Variants in GSE1 observed in about 807,000 individuals in gnomAD.
GSE1 encodes Gse1 coiled-coil protein, also known as genetic suppressor element 1.
Under a neutral mutation model 112.6 loss-of-function variants are expected in GSE1, and 32 were observed. The ratio of observed to expected loss-of-function variants is 0.28; its 90% CI spans 0.21 to 0.38. The LOEUF (loss-of-function observed/expected upper bound fraction) is 0.38. GSE1 is among the 10% of genes least tolerant of loss of function. The pLI is 1.00. For missense variants in GSE1, 2,348 were observed against 1,699.2 expected (o/e 1.38, Z -6.71); for synonymous variants, 1,115 against 735.6 (o/e 1.52, Z -8.35).
At chr16:85,235,582 G>T (rs1487520753) in intron 1 of GSE1, among the ~76,000 whole-genome samples, 1 of 149,900 alleles carries the variant, frequency 6.7e-6, no homozygotes, top group Non-Finnish European at 1.5e-5. Flanking sequence ...TGGGTGGGGG[G>T]GGGGCGCGTG....
chr16:85,469,300 T>A (rs1168795586), intron 2 of GSE1, among the ~76,000 whole-genome samples: 1 of 150,174 alleles, frequency 6.7e-6, no homozygotes, highest in African/African-American at 2.4e-5. Context: ...GGGGCCCTTA[T>A]GAGAGACAGA....
At position 85,361,204 on chromosome 16, in the gene GSE1, C is replaced by G. The variant is rs531062818; in HGVS notation, c.2464+3561C>G. On this transcript the variant is annotated intron_variant, in intron 2 of 2. Coordinates refer to the GSE1 transcript ENST00000637419. ...TAGACAGGCACAGACCCCCCACACA[C>G]AAACACACAGACGCACACGGGGCAG... is the stretch of plus-strand genomic sequence containing the variant. 9.4e-4 allele frequency among the ~76,000 whole-genome samples: 132 copies of G among 140,134 alleles called. 2 individuals carry two copies. The highest frequency in any genetic ancestry group is 3.5e-3 in the African/African-American group (130 of 36,900). The allele number at this position is 140,134 out of a possible 152,430, so 91.9% of individuals were successfully genotyped here.
chr16:85,359,179 G>A (rs2047013305), intron 2 of GSE1, among the ~76,000 whole-genome samples: 1 of 152,210 alleles, frequency 6.6e-6, no homozygotes, highest in African/African-American at 2.4e-5. Context: ...GACATCCCCA[G>A]GGGAGGCTCA....
chr16:85,477,497 C>A (rs1182194989), intron 2 of GSE1, among the ~76,000 whole-genome samples: 3 of 151,922 alleles, frequency 2.0e-5, no homozygotes, highest in Non-Finnish European at 4.4e-5. Context: ...ATGCTGTGAG[C>A]CCCTCCGGCC....
At chr16:85,293,377 C>A (rs71389111) in intron 1 of GSE1, among the ~76,000 whole-genome samples, 2,191 of 152,080 alleles carry the variant, frequency 0.014, 22 homozygotes, top group Middle Eastern at 0.044. Flanking sequence ...GAAACCCTGT[C>A]CCTGCTAAAA....
At chr16:85,648,081 C>T (rs1204169744) in intron 2 of GSE1, among the ~76,000 whole-genome samples, 9 of 150,240 alleles carry the variant, frequency 6.0e-5, no homozygotes, top group African/African-American at 4.9e-5. Flanking sequence ...GTGTGTGGCC[C>T]AGCTGGCCTG....
In GSE1 at chr16:85,657,560, C is replaced by G. The variant is rs2052071357; in HGVS notation, c.1596C>G (p.Pro532=). 6.3e-7 allele frequency: 1 copy of G among 1,578,424 alleles called. No individual in the cohort carries two copies. The highest frequency in any genetic ancestry group is 8.6e-7 in the Non-Finnish European group (1 of 1,161,722). The change falls in exon 8 of 16, where the codon CCC becomes CCG. Residue 532 remains proline, a synonymous_variant. Coordinates refer to ENST00000253458, the MANE Select transcript of GSE1 (RefSeq NM_014615.5). ...AGCAGCACCTGGATATGGGCCGGCC[C>G]CCGGTGCCGGCGGAGGCAGAGCACA... ...VLEQHLDMGR[P]PVPAEAEHRP...
intron 1 of GSE1, among the ~76,000 whole-genome samples, chr16:85,274,765 C>G (rs932319597): frequency 6.6e-6 from 1 of 152,246 alleles, no homozygotes. Flanking sequence ...CCAGCCTGCA[C>G]GTCCAGCCAC....
At chr16:85,385,598 A>C (rs2047670403) in intron 2 of GSE1, among the ~76,000 whole-genome samples, 2 of 152,196 alleles carry the variant, frequency 1.3e-5, no homozygotes, top group Non-Finnish European at 2.9e-5. Flanking sequence ...GCACCCAGCA[A>C]GTCCCGTGGC....
At chr16:85,277,657 C>T (rs1159689005) in intron 1 of GSE1, among the ~76,000 whole-genome samples, 2 of 152,252 alleles carry the variant, frequency 1.3e-5, no homozygotes. Context: ...TGCAGCTGGG[C>T]AGCCTGGAAG....
At chr16:85,247,556 TTCTC>T (rs1291979722) in intron 1 of GSE1, among the ~76,000 whole-genome samples, 1 of 152,170 alleles carries the variant, frequency 6.6e-6, no homozygotes, top group Non-Finnish European at 1.5e-5. Flanking sequence ...ATACAGGGTC[TTCTC>T]TCTCCTAAGC....
chr16:85,397,539 C>T (rs1284743374), intron 2 of GSE1, among the ~76,000 whole-genome samples: 1 of 152,254 alleles, frequency 6.6e-6, no homozygotes, highest in Non-Finnish European at 1.5e-5. Flanking sequence ...CCCCCCGCCG[C>T]TGCCTCCAGC....
intron 1 of GSE1, among the ~76,000 whole-genome samples, chr16:85,191,575 T>A (rs2074821566): frequency 1.3e-5 from 2 of 152,194 alleles, no homozygotes; most frequent in South Asian, 4.1e-4. Context: ...TGTTTCCCCC[T>A]CGGCATGTTC....
intron 1 of GSE1, among the ~76,000 whole-genome samples, chr16:85,631,111 G>C (rs1295428028): frequency 6.6e-6 from 1 of 152,232 alleles, no homozygotes; most frequent in East Asian, 1.9e-4. Flanking sequence ...ACGAGGACCT[G>C]GTTCATTGAT....
At chr16:85,672,119 C>G (rs1289773680) in intron 15 of GSE1, 1 of 343,662 alleles carries the variant, frequency 2.9e-6, no homozygotes, top group African/African-American at 2.1e-5. Context: ...CTGCCTCAGC[C>G]TCCCGAGTAG....
intron 1 of GSE1, among the ~76,000 whole-genome samples, chr16:85,603,231 T>C (rs779834617): frequency 3.3e-5 from 5 of 152,170 alleles, no homozygotes; most frequent in Non-Finnish European, 7.4e-5. Flanking sequence ...TGTGAACCCC[T>C]CCATCTCAGA....
In GSE1 at chr16:85,373,218, C is replaced by G. The variant is rs1227019957; in HGVS notation, c.2464+15575C>G. ...GCCAGGCGCCTGGTAGCAGGCCCAGCTGCCTCGAGGTGCTCCCAGGGATGG... is the reference window on the plus strand; with the variant it reads ...GCCAGGCGCCTGGTAGCAGGCCCAGGTGCCTCGAGGTGCTCCCAGGGATGG... On this transcript the variant is annotated intron_variant, in intron 2 of 2. Coordinates refer to the GSE1 transcript ENST00000637419. The surrounding 1 kb of genome is among the most constrained non-coding windows in gnomAD (Gnocchi z 5.1). Among the ~76,000 whole-genome samples, 1 of 152,212 alleles carries G rather than the reference C, an allele frequency of 6.6e-6. No individual in the cohort carries two copies. The highest frequency in any genetic ancestry group is 2.4e-5 in the African/African-American group (1 of 41,462).
intron 2 of GSE1, among the ~76,000 whole-genome samples, chr16:85,541,133 G>A (rs1022898440): frequency 1.1e-4 from 17 of 152,142 alleles, no homozygotes; most frequent in Non-Finnish European, 2.4e-4. Context: ...GTAGGCAGCT[G>A]CATGGAATGT....
intron 1 of GSE1, among the ~76,000 whole-genome samples, chr16:85,567,406 G>A (rs2045803946): frequency 6.6e-6 from 1 of 152,214 alleles, no homozygotes; most frequent in African/African-American, 2.4e-5. Flanking sequence ...GGGAGGCAAG[G>A]TGATTTGCTG....
Sources: allele counts gnomAD v4.1 joint callset (sites outside exome capture counted in the v4.1 genomes callset), GRCh38; gene constraint gnomAD v4.1.1; non-coding constraint Gnocchi (gnomAD v3.1); transcripts MANE v1.5; gene names NCBI Gene and HGNC (gene_info 2026-07-23, HGNC 2026-07-21).